The following MARCHF1 variants were observed in gnomAD, a reference collection of about 807,000 sequenced individuals.
MARCHF1 encodes E3 ubiquitin-protein ligase MARCHF1.
In MARCHF1, 40 loss-of-function variants were observed where a neutral mutation model predicts 54.2. The observed-to-expected ratio is 0.74, with a 90% CI of 0.57 to 0.96. MARCHF1 has a LOEUF of 0.96. MARCHF1 is among the 40% of genes least tolerant of loss of function. The pLI is 0.00. For missense variants in MARCHF1, 586 were observed against 656.5 expected (o/e 0.89, Z 1.17); for synonymous variants, 236 against 236.3 (o/e 1.00, Z 0.01).
chr4:163,929,986 A>AT (rs1751632389), intron 3 of MARCHF1, among the ~76,000 whole-genome samples: 3 of 132,782 alleles, frequency 2.3e-5, no homozygotes, highest in African/African-American at 8.4e-5. Flanking sequence ...TATATAATAT[A>AT]TATATAATAT....
At chr4:164,262,520 A>G (rs1181273548) in intron 1 of MARCHF1, among the ~76,000 whole-genome samples, 1 of 152,220 alleles carries the variant, frequency 6.6e-6, no homozygotes, top group Non-Finnish European at 1.5e-5. Flanking sequence ...TAGAGATGCC[A>G]GCCCTGTAGG....
intron 7 of MARCHF1, among the ~76,000 whole-genome samples, chr4:163,598,685 C>T (rs1248313488): frequency 6.6e-6 from 1 of 152,174 alleles, no homozygotes; most frequent in Non-Finnish European, 1.5e-5. Flanking sequence ...ATGGAGCTTA[C>T]AGAACTGGAA....
intron 5 of MARCHF1, among the ~76,000 whole-genome samples, chr4:163,661,305 G>T (rs1511776): frequency 3.3e-5 from 5 of 151,664 alleles, no homozygotes; most frequent in Non-Finnish European, 7.4e-5. Context: ...CTCCACACTC[G>T]AATACATCAG....
At chr4:164,297,181 G>C (rs756630976) in intron 1 of MARCHF1, among the ~76,000 whole-genome samples, 4 of 152,086 alleles carry the variant, frequency 2.6e-5, no homozygotes, top group Non-Finnish European at 5.9e-5. Flanking sequence ...AAACAATAAG[G>C]AAAATTTATC....
intron 5 of MARCHF1, among the ~76,000 whole-genome samples, chr4:163,669,599 A>C (rs1743658481): frequency 8.7e-6 from 1 of 115,492 alleles, no homozygotes; most frequent in African/African-American, 3.4e-5. Context: ...TGAGATGTTT[A>C]TCTTTTTTTT....
At chr4:163,921,063 T>C (rs1014994691) in intron 3 of MARCHF1, among the ~76,000 whole-genome samples, 15 of 152,142 alleles carry the variant, frequency 9.9e-5, no homozygotes, top group African/African-American at 3.6e-4. Context: ...TCAAAGCATG[T>C]TTTTCCAAAG....
At chr4:163,941,255 G>A (rs141520912) in intron 3 of MARCHF1, among the ~76,000 whole-genome samples, 10 of 152,120 alleles carry the variant, frequency 6.6e-5, no homozygotes, top group African/African-American at 1.4e-4. Context: ...TGAAAAGAAC[G>A]GCAAACTCAG....
chr4:164,154,554 T>G (rs768800335), intron 1 of MARCHF1, among the ~76,000 whole-genome samples: 64 of 152,332 alleles, frequency 4.2e-4, no homozygotes, highest in Non-Finnish European at 8.2e-4. Context: ...GGTGTGGCTC[T>G]CTGTTCAGCC....
intron 4 of MARCHF1, among the ~76,000 whole-genome samples, chr4:163,732,682 A>G (rs1745878918): frequency 6.6e-6 from 1 of 152,194 alleles, no homozygotes; most frequent in Non-Finnish European, 1.5e-5. Context: ...CTCATTGGAA[A>G]CAATGCAAGC....
At chr4:164,173,382 T>C (rs1730579391) in intron 1 of MARCHF1, among the ~76,000 whole-genome samples, 1 of 152,216 alleles carries the variant, frequency 6.6e-6, no homozygotes, top group Non-Finnish European at 1.5e-5. Context: ...ATGAGTGAGG[T>C]TGACTACTTG....
At chr4:163,807,816 T>C (rs1748268089) in intron 4 of MARCHF1, among the ~76,000 whole-genome samples, 1 of 151,114 alleles carries the variant, frequency 6.6e-6, no homozygotes, top group African/African-American at 2.4e-5. Context: ...AGGTTTTTTT[T>C]TGTTGTTTGC....
Position 163,896,394 on chromosome 4 carries a change from T to C in MARCHF1, c.-38-42225A>G, listed in dbSNP as rs149945557. Among the ~76,000 whole-genome samples, 47 of 152,312 alleles carry C rather than the reference T, an allele frequency of 3.1e-4. No individual in the cohort carries two copies. The East Asian group carries it at 6.8e-3, about 22-fold the overall frequency. ...TGTGATCTTAATTAGTCATTTTATT[T>C]CTTTGTGCTTTAGTTTTCTGGTTTG... On this transcript the variant is annotated intron_variant, in intron 3 of 9. Transcript: ENST00000514618.
chr4:164,127,078 C>CAAAACAAAACA (rs974447143), intron 1 of MARCHF1, among the ~76,000 whole-genome samples: 2 of 134,302 alleles, frequency 1.5e-5, no homozygotes, highest in Admixed American at 1.5e-4. Context: ...CAAAACAAAA[C>CAAAACAAAACA]AAAGAGGAAT....
chr4:163,740,870 G>A lies in MARCHF1; in HGVS notation c.112-40007C>T, dbSNP rs72683491. ...AAAAGATACATAGTGGCAACCACAG[G>A]AAAGGACATTTTTATGTCATCTGCT... On this transcript the variant is annotated intron_variant, in intron 4 of 9. Transcript: ENST00000514618. Among the ~76,000 whole-genome samples the A allele has an allele frequency of 2.9e-3, 436 of 152,284 alleles. 1 individual carries two copies. Among genetic ancestry groups the A allele is most frequent in the Non-Finnish European group, 4.8e-3 (325 of 68,016 alleles).
chr4:164,076,815 C>A (rs1239188756), intron 2 of MARCHF1, among the ~76,000 whole-genome samples: 1 of 152,122 alleles, frequency 6.6e-6, no homozygotes, highest in African/African-American at 2.4e-5. Flanking sequence ...CCTAGGAATA[C>A]AACTTACAGG....
chr4:163,784,511 T>TTGGAGCTCTAGGACAAGTTTGTCA (rs1456322795), intron 4 of MARCHF1, among the ~76,000 whole-genome samples: 4 of 152,184 alleles, frequency 2.6e-5, no homozygotes, highest in African/African-American at 9.7e-5. Flanking sequence ...TTGAACATTT[T>TTGGAGCTCTAGGACAAGTTTGTCA]TGGAGCTCTA....
chr4:163,900,349 T>C (rs35944365), intron 3 of MARCHF1, among the ~76,000 whole-genome samples: 4 of 96,914 alleles, frequency 4.1e-5, no homozygotes, highest in Non-Finnish European at 1.0e-4. Flanking sequence ...CTTTTTTTTT[T>C]TTAAAAAAAC....
intron 4 of MARCHF1, among the ~76,000 whole-genome samples, chr4:163,833,589 T>C (rs1190387189): frequency 3.3e-5 from 5 of 152,104 alleles, no homozygotes; most frequent in Non-Finnish European, 7.3e-5. Flanking sequence ...AAAGAAGACA[T>C]TTATGCAGCC....
intron 4 of MARCHF1, among the ~76,000 whole-genome samples, chr4:163,752,210 C>T (rs1460048864): frequency 1.3e-5 from 2 of 152,036 alleles, no homozygotes; most frequent in African/African-American, 4.8e-5. Flanking sequence ...CACCTAAATG[C>T]AATAGAAAAC....
Sources: gnomAD v4.1 joint callset for allele counts (sites outside exome capture counted in the v4.1 genomes callset) on GRCh38, gnomAD v4.1.1 for gene constraint, MANE v1.5 for transcripts, NCBI Gene and HGNC (gene_info 2026-07-23, HGNC 2026-07-21) for gene names.